Variants in MYOCD observed in about 807,000 individuals in gnomAD.
MYOCD encodes the protein myocardin.
A neutral mutation model predicts 96.1 loss-of-function variants in MYOCD; 32 were observed. That is an observed-to-expected ratio of 0.33 (90% CI 0.25 to 0.45). MYOCD has a LOEUF of 0.45. Among genes scored for constraint, MYOCD ranks in the 20% least tolerant of loss-of-function variants. MYOCD has a pLI of 1.00. For missense variants in MYOCD, 1,133 were observed against 1,200.6 expected (o/e 0.94, Z 0.83); for synonymous variants, 469 against 469.0 (o/e 1.00, Z 0.00).
chr17:12,698,028 G>A (rs918494653), intron 1 of MYOCD, among the ~76,000 whole-genome samples: 3 of 152,120 alleles, frequency 2.0e-5, no homozygotes, highest in African/African-American at 4.8e-5. Flanking sequence ...GCTCAGGAGG[G>A]GCAGGCTGAA....
At chr17:12,732,170 T>C (rs945545165) in intron 5 of MYOCD, among the ~76,000 whole-genome samples, 3 of 152,166 alleles carry the variant, frequency 2.0e-5, no homozygotes, top group South Asian at 4.1e-4. Context: ...TGTAGTTCCA[T>C]GCACTCATGG....
chr17:12,714,560 T>C (rs1426356785), intron 2 of MYOCD, among the ~76,000 whole-genome samples: 1 of 152,124 alleles, frequency 6.6e-6, no homozygotes, highest in African/African-American at 2.4e-5. Flanking sequence ...TCATCACTAA[T>C]CATGAAAAGT....
intron 1 of MYOCD, among the ~76,000 whole-genome samples, chr17:12,695,869 A>G: frequency 7.6e-6 from 1 of 131,866 alleles, no homozygotes; most frequent in Admixed American, 8.0e-5. Context: ...CAGCCCCTGG[A>G]ACCCCCCTCC....
At chr17:12,735,404 G>A (rs2032311917) in intron 5 of MYOCD, among the ~76,000 whole-genome samples, 1 of 152,074 alleles carries the variant, frequency 6.6e-6, no homozygotes, top group Non-Finnish European at 1.5e-5. Context: ...CAATTTGTCT[G>A]TTCCCTTAGC....
At chr17:12,683,737 C>T (rs1289266224) in intron 1 of MYOCD, among the ~76,000 whole-genome samples, 1 of 152,198 alleles carries the variant, frequency 6.6e-6, no homozygotes, top group Non-Finnish European at 1.5e-5. Flanking sequence ...TGGCATGACA[C>T]TCCCCAAATT....
Position 12,744,309 on chromosome 17 carries a change from A to C in MYOCD, c.844A>C (p.Met282Leu). The change falls in exon 8 of 14, where the codon ATG (methionine) becomes CTG (leucine). Residue 282 changes from methionine (M) to leucine (L), a missense_variant. Physicochemically the swap from Met to Leu is conservative, Grantham distance 15. Coordinates refer to ENST00000425538, the MANE Select transcript of MYOCD (RefSeq NM_001146312.3). ...DQKAEKSPPP[M>L]DSAYARLLQQ... ...GAAGGCAGAGAAGTCCCCTCCACCT[A>C]TGGACTCAGCCTACGCTCGGCTGCT... The C allele has an allele frequency of 6.2e-7, 1 of 1,614,136 alleles. No individual in the cohort carries two copies. The highest frequency in any genetic ancestry group is 8.5e-7 in the Non-Finnish European group (1 of 1,180,016).
In MYOCD at chr17:12,746,048, C is replaced by T. The variant is rs368578120; in HGVS notation, c.1101C>T (p.Leu367=). 2 of 1,614,084 alleles carry T rather than the reference C, an allele frequency of 1.2e-6. No homozygotes were observed. The highest frequency in any genetic ancestry group is 1.7e-6 in the Non-Finnish European group (2 of 1,180,038). ...TGVSSFKPGP[L]PPNLDDLKVS... ...TCTCTTCTTTCAAACCAGGCCCACT[C>T]CCACCTAACCTGGATGATCTGAAGG... Residue 367 remains leucine, a synonymous_variant, in exon 9 of 14, where the codon CTC becomes CTT. Coordinates refer to ENST00000425538, the MANE Select transcript of MYOCD (RefSeq NM_001146312.3).
At chr17:12,742,725 C>T (rs1430887681) in intron 7 of MYOCD, among the ~76,000 whole-genome samples, 1 of 152,010 alleles carries the variant, frequency 6.6e-6, no homozygotes, top group Non-Finnish European at 1.5e-5. Context: ...CATCTACCAC[C>T]AAGCCCAGCT....
At chr17:12,762,955 T>C in intron 13 of MYOCD, 118 bp from the exon 14 acceptor site, 1 of 758,056 alleles carries the variant, frequency 1.3e-6, no homozygotes, top group Non-Finnish European at 2.1e-6. Flanking sequence ...TGAGACTGGG[T>C]GGTGAGCGGT....
At chr17:12,697,155 T>C (rs2030792890) in intron 1 of MYOCD, among the ~76,000 whole-genome samples, 1 of 151,858 alleles carries the variant, frequency 6.6e-6, no homozygotes, top group African/African-American at 2.4e-5. Context: ...TCCTGTTTGA[T>C]TGAGCCTTGG....
intron 1 of MYOCD, among the ~76,000 whole-genome samples, chr17:12,683,682 A>C (rs2029934710): frequency 6.6e-6 from 1 of 152,210 alleles, no homozygotes; most frequent in South Asian, 2.1e-4. Flanking sequence ...TCCTGGGAGA[A>C]AAGGCCAGAC....
intron 3 of MYOCD, among the ~76,000 whole-genome samples, chr17:12,716,229 C>T (rs2031636051): frequency 6.6e-6 from 1 of 152,170 alleles, no homozygotes; most frequent in Non-Finnish European, 1.5e-5. Context: ...TGCAGCTTGT[C>T]TATGGGTAGA....
At chr17:12,754,355 G>A (rs2032952863) in intron 10 of MYOCD, among the ~76,000 whole-genome samples, 1 of 152,192 alleles carries the variant, frequency 6.6e-6, no homozygotes, top group Non-Finnish European at 1.5e-5. Context: ...GCCCGCCTTG[G>A]CCTCCCAAAG....
rs991486660 is a variant in MYOCD, at chr17:12,735,792, G to A, written c.416-369G>A. Among the ~76,000 whole-genome samples the A allele has an allele frequency of 2.0e-5, 3 of 152,250 alleles. No homozygotes were observed. The East Asian group carries it at 5.8e-4, about 29-fold the overall frequency. ...ATCGTAAAACCCGAGGGACACGGGC[G>A]CATGCTCCCACCATGTTTTCCTCTG... On this transcript the variant is annotated intron_variant, in intron 5 of 13. Coordinates refer to ENST00000425538, the MANE Select transcript of MYOCD (RefSeq NM_001146312.3).
intron 5 of MYOCD, among the ~76,000 whole-genome samples, chr17:12,731,746 G>A (rs147695871): frequency 1.5e-3 from 228 of 152,276 alleles, no homozygotes; most frequent in East Asian, 3.7e-3. Context: ...ACTCAAATGC[G>A]TCTGACTCCA....
chr17:12,755,856 A>G (rs1347015152), intron 10 of MYOCD, among the ~76,000 whole-genome samples: 3 of 152,244 alleles, frequency 2.0e-5, no homozygotes, highest in Non-Finnish European at 4.4e-5. Context: ...CGGGCGACAG[A>G]GTGAGACTCC....
chr17:12,696,915 G>A (rs2030779064), intron 1 of MYOCD, among the ~76,000 whole-genome samples: 2 of 152,156 alleles, frequency 1.3e-5, no homozygotes, highest in Non-Finnish European at 2.9e-5. Context: ...GGAGGAATAG[G>A]ATGAGCCAGG....
rs1245489172 is a variant in MYOCD at position 12,766,157 on chromosome 17, G to GT, written c.*2519dup. On this transcript the variant is annotated 3_prime_UTR_variant, in exon 14 of 14. Transcript: ENST00000425538. Reference sequence around the variant, plus strand: ...AGGTGTCACGTTTTGCTGTTTGTATGTTTTTTCTTCCCCTTACTTCCTTTG... The same window carrying GT: ...AGGTGTCACGTTTTGCTGTTTGTATGTTTTTTTCTTCCCCTTACTTCCTTTG... The GT allele has an allele frequency of 2.6e-5, 4 of 152,162 alleles. No individual in the cohort carries two copies. The highest frequency in any genetic ancestry group is 1.3e-4 in the Admixed American group (2 of 15,272). The allele number at this position is 152,162 out of a possible 1,614,324, so 9.4% of individuals were successfully genotyped here. A position where few individuals can be genotyped will look rare whatever the true frequency, so the allele number is the denominator to read the frequency against.
intron 1 of MYOCD, among the ~76,000 whole-genome samples, chr17:12,679,878 G>A (rs933714004): frequency 6.6e-6 from 1 of 152,126 alleles, no homozygotes; most frequent in Non-Finnish European, 1.5e-5. Context: ...CCATGTTCAG[G>A]TATATGAATC....
Sources: allele counts gnomAD v4.1 joint callset (sites outside exome capture counted in the v4.1 genomes callset), GRCh38; gene constraint gnomAD v4.1.1; transcripts MANE v1.5; gene names NCBI Gene and HGNC (gene_info 2026-07-23, HGNC 2026-07-21).